The following RBBP8 variants were observed in gnomAD, a reference collection of about 807,000 sequenced individuals.
The protein encoded by RBBP8 is DNA endonuclease RBBP8.
A neutral mutation model predicts 108.3 loss-of-function variants in RBBP8; 88 were observed. That is an observed-to-expected ratio of 0.81 (90% confidence interval 0.68 to 0.97). The LOEUF is 0.97. Among genes scored for constraint, RBBP8 ranks in the 50% least tolerant of loss-of-function variants. The pLI is 0.00. For synonymous variants in RBBP8, 332 were observed against 348.2 expected, an observed-to-expected ratio of 0.95 and a Z score of 0.52; for missense variants, 1,023 against 1,049.0, an observed-to-expected ratio of 0.98 and a Z score of 0.34.
upstream of RBBP8, among the ~76,000 whole-genome samples, chr18:22,929,785 T>C (rs1420249023): frequency 6.6e-6 from 1 of 152,090 alleles, no homozygotes; most frequent in African/African-American, 2.4e-5. Flanking sequence ...AATTGTCTTG[T>C]TTAATCAGGA....
chr18:22,935,130 C>T (rs1348898159), intron 1 of RBBP8, among the ~76,000 whole-genome samples: 1 of 151,284 alleles, frequency 6.6e-6, no homozygotes, highest in Non-Finnish European at 1.5e-5. Flanking sequence ...TAATGCAGTG[C>T]ACCTAATTCT....
chr18:22,937,351 A>G (rs368473846), intron 2 of RBBP8, among the ~76,000 whole-genome samples: 6 of 152,070 alleles, frequency 3.9e-5, no homozygotes, highest in Admixed American at 3.9e-4. Flanking sequence ...ATCTGCATCC[A>G]TGTTGCTGCA....
intron 3 of RBBP8, among the ~76,000 whole-genome samples, chr18:22,922,170 C>T (rs1661279783): frequency 6.6e-6 from 1 of 152,018 alleles, no homozygotes; most frequent in Non-Finnish European, 1.5e-5. Context: ...TAAGTAAATA[C>T]CATACTTGTT....
At chr18:22,936,617 C>T in intron 1 of RBBP8, 137 bp from the exon 2 acceptor site, 1 of 502,436 alleles carries the variant, frequency 2.0e-6, no homozygotes, top group Non-Finnish European at 3.6e-6. Flanking sequence ...TCCTTCCCCT[C>T]CCAAATTCTA....
chr18:22,924,170 T>A (rs1443297896), intron 3 of RBBP8, among the ~76,000 whole-genome samples: 2 of 141,590 alleles, frequency 1.4e-5, no homozygotes, highest in Admixed American at 1.4e-4. Flanking sequence ...CACTCTGTCA[T>A]CAGGCTGGAG....
At chr18:23,001,973 A>G (rs1449723284) in intron 15 of RBBP8, among the ~76,000 whole-genome samples, 1 of 152,220 alleles carries the variant, frequency 6.6e-6, no homozygotes, top group Admixed American at 6.5e-5. Flanking sequence ...TTATATAGCT[A>G]TAAAATATTT....
intron 4 of RBBP8, among the ~76,000 whole-genome samples, chr18:22,955,867 A>G (rs1405705431): frequency 6.6e-6 from 1 of 152,208 alleles, no homozygotes; most frequent in Non-Finnish European, 1.5e-5. Flanking sequence ...GGTGTGAGCC[A>G]CCGCGCCTGG....
chr18:22,924,127 GTT>G (rs33978854), intron 3 of RBBP8, among the ~76,000 whole-genome samples: 7 of 108,228 alleles, frequency 6.5e-5, no homozygotes, highest in Non-Finnish European at 7.0e-5. Context: ...TTTGTTTTTG[GTT>G]TTTTTTTTTT....
At position 23,022,277 on chromosome 18, in the gene RBBP8, G is replaced by A. The variant is rs762321798; in HGVS notation, c.2596+7G>A. 6 of 1,601,204 alleles carry A rather than the reference G, an allele frequency of 3.7e-6. No individual in the cohort carries two copies. The Admixed American group carries it at 8.4e-5, about 22-fold the overall frequency. ...CAGACTTGTATGGAAAGAGGTGAGAGTATAGATTGTAACATTTTATAATTA... is the reference window on the plus strand; with the variant it reads ...CAGACTTGTATGGAAAGAGGTGAGAATATAGATTGTAACATTTTATAATTA... On this transcript the variant is annotated splice_region_variant and intron_variant, in intron 18 of 18. Transcript: ENST00000327155.
At chr18:22,972,202 C>G (rs1208168724) in intron 5 of RBBP8, among the ~76,000 whole-genome samples, 1 of 149,668 alleles carries the variant, frequency 6.7e-6, no homozygotes, top group African/African-American at 2.4e-5. Flanking sequence ...AAAAAAAATA[C>G]AAAAATTAGC....
At chr18:22,931,778 C>T (rs1020736508), upstream of RBBP8, among the ~76,000 whole-genome samples, 1 of 152,002 alleles carries the variant, frequency 6.6e-6, no homozygotes, top group Non-Finnish European at 1.5e-5. Flanking sequence ...GGATTTAAAC[C>T]CAGATGTCTG....
intron 5 of RBBP8, among the ~76,000 whole-genome samples, chr18:22,973,323 TAATA>T (rs1180267465): frequency 6.6e-6 from 1 of 152,230 alleles, no homozygotes; most frequent in Non-Finnish European, 1.5e-5. Context: ...TCTGGCTTTT[TAATA>T]CTGCAGTAGA....
At chr18:22,916,283 T>C (rs911350072) in intron 2 of RBBP8, among the ~76,000 whole-genome samples, 5 of 152,120 alleles carry the variant, frequency 3.3e-5, no homozygotes, top group Non-Finnish European at 5.9e-5. Flanking sequence ...AATATCTTCA[T>C]GTGTTTTCCA....
At chr18:22,992,021 G>A (rs1915737184) in intron 10 of RBBP8, among the ~76,000 whole-genome samples, 1 of 152,186 alleles carries the variant, frequency 6.6e-6, no homozygotes, top group South Asian at 2.1e-4. Context: ...TTAAGTGGTA[G>A]AGCCAGAGAT....
At chr18:23,013,310 G>C (rs997992537) in intron 16 of RBBP8, among the ~76,000 whole-genome samples, 1 of 152,102 alleles carries the variant, frequency 6.6e-6, no homozygotes, top group Non-Finnish European at 1.5e-5. Flanking sequence ...AGCTGGGAAC[G>C]GGGAATGGAG....
At chr18:22,999,264 G>C (rs2045908098) in intron 14 of RBBP8, among the ~76,000 whole-genome samples, 1 of 152,170 alleles carries the variant, frequency 6.6e-6, no homozygotes, top group African/African-American at 2.4e-5. Context: ...CTGTGGCTCA[G>C]GAATTCAGGA....
intron 3 of RBBP8, 114 bp downstream of exon 3, chr18:22,946,600 A>G (rs1424145313): frequency 6.9e-7 from 1 of 1,456,244 alleles, no homozygotes; most frequent in African/African-American, 1.4e-5. Flanking sequence ...TTAATGTCTT[A>G]TTTATAAAAA....
Position 22,934,442 on chromosome 18 carries a change from A to AT in RBBP8, c.-99+882dup, listed in dbSNP as rs370615973. 5.9e-3 allele frequency among the ~76,000 whole-genome samples: 893 copies of AT among 152,312 alleles called. 10 individuals are homozygous for AT. Among genetic ancestry groups the AT allele is most frequent in the South Asian group, 0.028 (136 of 4,826 alleles). On this transcript the variant is annotated intron_variant, in intron 1 of 18. Transcript: ENST00000327155. ...CGGTCATTGAAGTAATTAAACCTTC[A>AT]TTTTAAACTGTTGACTTAATAGAAA...
intron 4 of RBBP8, among the ~76,000 whole-genome samples, chr18:22,960,218 A>G (rs1379271612): frequency 6.6e-6 from 1 of 152,160 alleles, no homozygotes; most frequent in Non-Finnish European, 1.5e-5. Context: ...TTAAAAAACA[A>G]CTTTATTGAG....
Sources: allele counts gnomAD v4.1 joint callset (sites outside exome capture counted in the v4.1 genomes callset), GRCh38; gene constraint gnomAD v4.1.1; transcripts MANE v1.5; gene names NCBI Gene and HGNC (gene_info 2026-07-23, HGNC 2026-07-21).